The following SEMA5A variants were observed in gnomAD, a reference collection of about 807,000 sequenced individuals.
SEMA5A encodes the protein semaphorin-5A.
In SEMA5A, 55 loss-of-function variants were observed where a neutral mutation model predicts 135.5. The observed-to-expected ratio is 0.41, with a 90% confidence interval of 0.33 to 0.51. The LOEUF (loss-of-function observed/expected upper bound fraction) is 0.51, where lower values mean the gene tolerates loss of function less well. Ranked by LOEUF, SEMA5A falls within the 20% of genes least tolerant of loss-of-function variation. The probability of loss-of-function intolerance (pLI) is 0.37; values close to 1 mark genes in which losing one functional copy is unlikely to be tolerated. For synonymous variants in SEMA5A, 580 were observed against 546.5 expected (o/e 1.06, Z -0.85); for missense variants, 1,290 against 1,419.9 (o/e 0.91, Z 1.47).
chr5:9,354,893 G>T (rs1754374454), intron 3 of SEMA5A, among the ~76,000 whole-genome samples: 1 of 152,168 alleles, frequency 6.6e-6, no homozygotes, highest in Non-Finnish European at 1.5e-5. Context: ...TCTGGGGAAA[G>T]GCCCTAAGCT....
intron 5 of SEMA5A, among the ~76,000 whole-genome samples, chr5:9,266,516 G>A (rs1258788620): frequency 1.3e-5 from 2 of 152,136 alleles, no homozygotes; most frequent in Non-Finnish European, 2.9e-5. Context: ...ATTATTTAAT[G>A]TAATTTCAGG....
chr5:9,154,093 A>ATATGTGTGTGTGTG (rs372321939), intron 12 of SEMA5A, among the ~76,000 whole-genome samples: 90 of 73,498 alleles, frequency 1.2e-3, no homozygotes, highest in African/African-American at 3.0e-3. Flanking sequence ...ATATATATAT[A>ATATGTGTGTGTGTG]TGTGTGTGTG....
At chr5:9,165,559 A>T (rs1266337875) in intron 11 of SEMA5A, among the ~76,000 whole-genome samples, 1 of 152,216 alleles carries the variant, frequency 6.6e-6, no homozygotes, top group Non-Finnish European at 1.5e-5. Flanking sequence ...TCATGTGGAC[A>T]AGGAGGCCAC....
intron 16 of SEMA5A, among the ~76,000 whole-genome samples, chr5:9,070,581 T>C (rs770623449): frequency 4.6e-5 from 7 of 152,184 alleles, no homozygotes; most frequent in Non-Finnish European, 7.3e-5. Context: ...ATTTTTGAAA[T>C]GTATGAGGGG....
rs534638548 is a variant in SEMA5A, at chr5:9,340,266, G to A, written c.125-2454C>T. On this transcript the variant is annotated intron_variant, in intron 3 of 22. Coordinates refer to ENST00000382496, the MANE Select transcript of SEMA5A (RefSeq NM_003966.3). ...GACCAGGCTCCAGAGTGAATATCAG[G>A]GGCTCTGTTCACCACAACTCACAGC... Among the ~76,000 whole-genome samples, 13 of 152,226 alleles carry A rather than the reference G, an allele frequency of 8.5e-5. No individual in the cohort carries two copies. In the South Asian group the frequency reaches 2.7e-3, roughly 32 times the overall value.
At chr5:9,519,364 T>C (rs1736691989) in intron 1 of SEMA5A, among the ~76,000 whole-genome samples, 2 of 152,232 alleles carry the variant, frequency 1.3e-5, no homozygotes, top group Admixed American at 1.3e-4. Flanking sequence ...TAATACTGTT[T>C]TCTTCAGATG....
intron 13 of SEMA5A, among the ~76,000 whole-genome samples, chr5:9,136,143 A>G (rs1741728163): frequency 6.6e-6 from 1 of 152,298 alleles, no homozygotes; most frequent in Non-Finnish European, 1.5e-5. Context: ...CTCCCAAAAG[A>G]AATTTGTGGG....
intron 15 of SEMA5A, among the ~76,000 whole-genome samples, chr5:9,109,000 T>C (rs890353719): frequency 1.3e-5 from 2 of 151,042 alleles, no homozygotes; most frequent in Non-Finnish European, 3.0e-5. Context: ...TCCTTTATCC[T>C]TATCATGAGT....
At chr5:9,087,108 T>C (rs1038787499) in intron 16 of SEMA5A, among the ~76,000 whole-genome samples, 10 of 152,196 alleles carry the variant, frequency 6.6e-5, no homozygotes, top group Non-Finnish European at 1.3e-4. Flanking sequence ...TACAGCACGA[T>C]GTGAGGACAT....
At chr5:9,485,713 T>G (rs941257629) in intron 1 of SEMA5A, among the ~76,000 whole-genome samples, 4 of 152,128 alleles carry the variant, frequency 2.6e-5, no homozygotes, top group South Asian at 4.1e-4. Context: ...ACATCCTCAA[T>G]GATCTCCAAT....
intron 5 of SEMA5A, among the ~76,000 whole-genome samples, chr5:9,317,739 A>T (rs1752453350): frequency 6.6e-6 from 1 of 152,244 alleles, no homozygotes; most frequent in South Asian, 2.1e-4. Flanking sequence ...GGTGAAGAAG[A>T]TATTTGTGTC....
chr5:9,341,093 C>T (rs1389083406), intron 3 of SEMA5A, among the ~76,000 whole-genome samples: 2 of 152,016 alleles, frequency 1.3e-5, no homozygotes, highest in Non-Finnish European at 2.9e-5. Context: ...TTATTACACT[C>T]CCTTGTTATT....
chr5:9,516,227 A>T (rs1220961100), intron 1 of SEMA5A, among the ~76,000 whole-genome samples: 1 of 152,064 alleles, frequency 6.6e-6, no homozygotes, highest in African/African-American at 2.4e-5. Context: ...ACACGTATAC[A>T]CCACACACAG....
At chr5:9,409,996 T>C (rs1650415906) in intron 2 of SEMA5A, among the ~76,000 whole-genome samples, 1 of 152,120 alleles carries the variant, frequency 6.6e-6, no homozygotes, top group Non-Finnish European at 1.5e-5. Context: ...ATGTATCTTC[T>C]ATGAAAATAC....
intron 16 of SEMA5A, 87 bp downstream of exon 16, chr5:9,108,053 T>C (rs1210223490): frequency 1.4e-6 from 2 of 1,474,416 alleles, no homozygotes; most frequent in African/African-American, 2.8e-5. Context: ...TTGCAGAACA[T>C]CTAGTGTGTG....
intron 10 of SEMA5A, among the ~76,000 whole-genome samples, chr5:9,194,621 G>T (rs560533547): frequency 7.5e-4 from 115 of 152,318 alleles, no homozygotes; most frequent in Non-Finnish European, 1.2e-3. Flanking sequence ...TAAACATAAA[G>T]AAAACACTTG....
intron 5 of SEMA5A, among the ~76,000 whole-genome samples, chr5:9,259,807 A>T (rs1749303420): frequency 1.2e-5 from 1 of 81,500 alleles, no homozygotes; most frequent in Non-Finnish European, 2.4e-5. Flanking sequence ...TCCAAAATTG[A>T]CACCCTAACA....
chr5:9,052,945 A>G (rs942732458), intron 19 of SEMA5A, among the ~76,000 whole-genome samples: 1 of 152,216 alleles, frequency 6.6e-6, no homozygotes, highest in African/African-American at 2.4e-5. Context: ...TGAAAATCAA[A>G]CTTGTGCTTT....
At chr5:9,117,063 T>C (rs1740552940) in intron 15 of SEMA5A, among the ~76,000 whole-genome samples, 2 of 152,226 alleles carry the variant, frequency 1.3e-5, no homozygotes, top group Non-Finnish European at 2.9e-5. Flanking sequence ...TTTTCCTCCA[T>C]TGAGCAAATG....
Sources: allele counts gnomAD v4.1 joint callset (sites outside exome capture counted in the v4.1 genomes callset), GRCh38; gene constraint gnomAD v4.1.1; transcripts MANE v1.5; gene names NCBI Gene and HGNC (gene_info 2026-07-23, HGNC 2026-07-21).